Variants in RASGRF2 observed in about 807,000 individuals in gnomAD.
RASGRF2 encodes the protein ras-specific guanine nucleotide-releasing factor 2.
In RASGRF2, 76 loss-of-function variants were observed where a neutral mutation model predicts 151.0. That is an observed-to-expected ratio of 0.50 (90% CI 0.42 to 0.61). The LOEUF (loss-of-function observed/expected upper bound fraction) is 0.61. RASGRF2 is among the 20% of genes least tolerant of loss of function. RASGRF2 has a pLI of 0.00. For synonymous variants in RASGRF2, 504 were observed against 566.5 expected, an observed-to-expected ratio of 0.89 and a Z score of 1.57; for missense variants, 1,148 against 1,564.6, an observed-to-expected ratio of 0.73 and a Z score of 4.49.
chr5:81,003,271 G>A, intron 1 of RASGRF2, among the ~76,000 whole-genome samples: 1 of 144,514 alleles, frequency 6.9e-6, no homozygotes, highest in Non-Finnish European at 1.5e-5. Context: ...CGCCCAGGCT[G>A]GAGTGCAATG....
chr5:81,124,679 T>C (rs1260268458), intron 16 of RASGRF2, among the ~76,000 whole-genome samples: 1 of 137,920 alleles, frequency 7.3e-6, no homozygotes, highest in African/African-American at 2.9e-5. Flanking sequence ...ATAATAAATG[T>C]CCTCTAATTG....
At chr5:81,101,522 C>G (rs952082692) in intron 12 of RASGRF2, among the ~76,000 whole-genome samples, 1 of 151,824 alleles carries the variant, frequency 6.6e-6, no homozygotes, top group Non-Finnish European at 1.5e-5. Context: ...GGGGATGTCC[C>G]TAAAGTCTGG....
At chr5:81,067,234 T>C (rs962378040) in intron 2 of RASGRF2, among the ~76,000 whole-genome samples, 30 of 152,186 alleles carry the variant, frequency 2.0e-4, no homozygotes, top group Admixed American at 2.6e-4. Flanking sequence ...TATCATGAAT[T>C]ATTACTGTCA....
At chr5:81,058,270 A>T (rs927203711) in intron 2 of RASGRF2, among the ~76,000 whole-genome samples, 2 of 152,170 alleles carry the variant, frequency 1.3e-5, no homozygotes, top group Non-Finnish European at 2.9e-5. Context: ...TAGCTAACCA[A>T]ATGAAAATAA....
chr5:81,083,790 T>G (rs547965064), intron 7 of RASGRF2, among the ~76,000 whole-genome samples: 2 of 152,360 alleles, frequency 1.3e-5, no homozygotes, highest in South Asian at 4.1e-4. Flanking sequence ...ACAGCAGTGT[T>G]AGATGTTCTC....
At chr5:81,020,664 C>T (rs2112335739) in intron 1 of RASGRF2, among the ~76,000 whole-genome samples, 1 of 152,180 alleles carries the variant, frequency 6.6e-6, no homozygotes, top group South Asian at 2.1e-4. Flanking sequence ...CAGAAGGCTC[C>T]AGGGGAGGAT....
intron 15 of RASGRF2, among the ~76,000 whole-genome samples, chr5:81,116,217 G>C (rs1334261882): frequency 6.6e-6 from 1 of 151,642 alleles, no homozygotes; most frequent in African/African-American, 2.4e-5. Context: ...TGAGTAGCTG[G>C]GATTACAGGC....
chr5:81,186,655 A>T lies in RASGRF2; in HGVS notation c.2793+6374A>T, dbSNP rs1321107605. On this transcript the variant is annotated intron_variant, in intron 18 of 26. Transcript: ENST00000265080. ...CACTGTCATAACACAATTAACAAAT[A>T]AATATAGTCTGAGGTAGAAGACAGG... is the stretch of plus-strand genomic sequence containing the variant. 2.6e-5 allele frequency among the ~76,000 whole-genome samples: 4 copies of T among 152,186 alleles called. No individual in the cohort carries two copies. The East Asian group carries it at 7.7e-4, about 29-fold the overall frequency.
chr5:81,087,338 A>G (rs953591209), intron 9 of RASGRF2: 17 of 702,916 alleles, frequency 2.4e-5, no homozygotes, highest in Non-Finnish European at 3.6e-5. Flanking sequence ...GCCCTTTCAC[A>G]TAAGACTGGG....
chr5:81,228,498 A>G lies in RASGRF2; in HGVS notation c.*2728A>G, dbSNP rs1756046623. The G allele has an allele frequency of 6.6e-6, 1 of 152,230 alleles. No individual in the cohort carries two copies. The highest frequency in any genetic ancestry group is 1.5e-5 in the Non-Finnish European group (1 of 68,042). 9.4% of individuals were successfully genotyped at this position (152,230 alleles called of 1,614,324 possible). On this transcript the variant is annotated 3_prime_UTR_variant, in exon 27 of 27. Coordinates refer to ENST00000265080, the MANE Select transcript of RASGRF2 (RefSeq NM_006909.3). ...TGCATTCCCAGCTGCATCTGCCTCT[A>G]GTCCATTATGGAGACCCATTTCTAA...
rs768167892 is a variant in RASGRF2, at chr5:81,225,811, A to G, written c.*41A>G. 4 of 1,597,750 alleles carry G rather than the reference A, an allele frequency of 2.5e-6. No individual in the cohort carries two copies. Among genetic ancestry groups the G allele is most frequent in the Non-Finnish European group, 3.4e-6 (4 of 1,174,262 alleles). ...CCTGAGTCCACGGGATGTTCATGGA[A>G]AGCAGGACAGACAGAATTGTGTATG... On this transcript the variant is annotated 3_prime_UTR_variant, in exon 27 of 27. Coordinates refer to ENST00000265080, the MANE Select transcript of RASGRF2 (RefSeq NM_006909.3).
At chr5:81,127,741 T>C (rs1753498229) in intron 17 of RASGRF2, among the ~76,000 whole-genome samples, 1 of 150,848 alleles carries the variant, frequency 6.6e-6, no homozygotes, top group South Asian at 2.1e-4. Context: ...CTGGACAACA[T>C]GGTGAAACCC....
At chr5:80,979,719 A>G (rs563384874) in intron 1 of RASGRF2, among the ~76,000 whole-genome samples, 3 of 152,360 alleles carry the variant, frequency 2.0e-5, no homozygotes, top group African/African-American at 7.2e-5. Flanking sequence ...CAGGTACTGT[A>G]TAAAGGATGT....
rs56180832 is a variant in RASGRF2 at position 80,996,504 on chromosome 5, C to CTTCTT, written c.288+35478_288+35479insTTCTT. On this transcript the variant is annotated intron_variant, in intron 1 of 26. Coordinates refer to ENST00000265080, the MANE Select transcript of RASGRF2 (RefSeq NM_006909.3). ...TCTTCTTCTTCTTCTTCTTCTTCTT[C>CTTCTT]CTCCTCCTCCTCCTCCCCCTCCTCC... 2.9e-3 allele frequency among the ~76,000 whole-genome samples: 146 copies of CTTCTT among 50,220 alleles called. 12 individuals carry two copies. Among genetic ancestry groups the CTTCTT allele is most frequent in the Middle Eastern group, 0.014 (1 of 70 alleles). 32.9% of individuals were successfully genotyped at this position (50,220 alleles called of 152,430 possible).
intron 12 of RASGRF2, among the ~76,000 whole-genome samples, chr5:81,100,978 G>A (rs1752683774): frequency 6.6e-6 from 1 of 152,140 alleles, no homozygotes. Context: ...ACTCTTGGTG[G>A]AGAAGTCACT....
rs1015093116 is a variant in RASGRF2 at position 81,080,130 on chromosome 5, C to A, written c.897C>A (p.Ile299=). 1.3e-6 allele frequency: 2 copies of A among 1,594,052 alleles called. No homozygotes were observed. The part of the protein sequence containing the change: ...VSSIFLNSET[I]MFLHEIFHQG... Reference sequence around the variant, plus strand: ...TTTCCTTTTTTTATAGTGAAACAATCATGTTTCTTCATGAAATATTTCATC... The same window carrying A: ...TTTCCTTTTTTTATAGTGAAACAATAATGTTTCTTCATGAAATATTTCATC... Residue 299 remains isoleucine (I), a synonymous_variant, in exon 6 of 27, where the codon ATC becomes ATA. Transcript: ENST00000265080.
intron 18 of RASGRF2, among the ~76,000 whole-genome samples, chr5:81,184,497 A>G (rs1296122260): frequency 6.6e-6 from 1 of 152,192 alleles, no homozygotes; most frequent in African/African-American, 2.4e-5. Flanking sequence ...TTCTGAAGAG[A>G]TGCTCTGTCC....
intron 8 of RASGRF2, 119 bp from the exon 9 acceptor site, chr5:81,086,716 C>T (rs1225399280): frequency 5.1e-6 from 4 of 788,090 alleles, no homozygotes; most frequent in Non-Finnish European, 6.1e-6. Context: ...TTCCCCCAAA[C>T]CCCCGGTTCA....
At position 81,206,853 on chromosome 5, in the gene RASGRF2, C is replaced by T; in HGVS notation, c.2915C>T (p.Ser972Leu). 1 of 1,609,894 alleles carries T rather than the reference C, an allele frequency of 6.2e-7. No individual in the cohort carries two copies. Among genetic ancestry groups the T allele is most frequent in the Non-Finnish European group, 8.5e-7 (1 of 1,176,156 alleles). The change falls in exon 20 of 27, where the codon TCA becomes TTA. Residue 972 changes from serine (S) to leucine (L), a missense_variant. Around this residue, in one of 5 missense-constraint regions of RASGRF2, gnomAD observed 646 missense variants for 807.4 expected, o/e 0.80. Coordinates refer to ENST00000265080, the MANE Select transcript of RASGRF2 (RefSeq NM_006909.3). The part of the protein sequence containing the change: ...KAAANILRAL[S>L]QDDQDDIHLK... ...TTTGATATCTTTTTCAGGGCCCTTTCACAAGATGACCAAGATGACATCCAC... is the reference window on the plus strand; with the variant it reads ...TTTGATATCTTTTTCAGGGCCCTTTTACAAGATGACCAAGATGACATCCAC...
Sources: gnomAD v4.1 joint callset for allele counts (sites outside exome capture counted in the v4.1 genomes callset) on GRCh38, gnomAD v4.1.1 for gene constraint, gnomAD v4.1.1 regional missense constraint, MANE v1.5 for transcripts, NCBI Gene and HGNC (gene_info 2026-07-23, HGNC 2026-07-21) for gene names.